BEST3: variants seen among roughly 807,000 people sequenced by gnomAD.
BEST3 encodes bestrophin 3, also known as bestrophin-3.
A neutral mutation model predicts 47.1 loss-of-function variants in BEST3; 50 were observed. That is an observed-to-expected ratio of 1.06 (90% confidence interval 0.85 to 1.34). The LOEUF (loss-of-function observed/expected upper bound fraction) is 1.34, where lower values mean the gene tolerates loss of function less well. BEST3 is among the 40% of genes most tolerant of loss of function. The probability of loss-of-function intolerance (pLI) is 0.00; values close to 1 mark genes in which losing one functional copy is unlikely to be tolerated. For synonymous variants in BEST3, 282 were observed against 298.8 expected (o/e 0.94, Z 0.58); for missense variants, 765 against 817.0 (o/e 0.94, Z 0.78).
chr12:69,656,950 G>A lies in BEST3; in HGVS notation c.1101-1137C>T, dbSNP rs369668350. ...TTAAAAAAAGAGAAATTGGAACCTTGTGGAAAGGATATATTCATCCAGTTA... is the reference window on the plus strand; with the variant it reads ...TTAAAAAAAGAGAAATTGGAACCTTATGGAAAGGATATATTCATCCAGTTA... On this transcript the variant is annotated intron_variant, in intron 9 of 9. Transcript: ENST00000330891. Among the ~76,000 whole-genome samples the A allele has an allele frequency of 3.7e-4, 57 of 152,284 alleles. No individual in the cohort carries two copies. The South Asian group carries it at 0.011, about 29-fold the overall frequency.
At chr12:69,688,310 T>C (rs1885751787) in intron 4 of BEST3, among the ~76,000 whole-genome samples, 2 of 152,196 alleles carry the variant, frequency 1.3e-5, no homozygotes, top group South Asian at 4.1e-4. Context: ...TTGTAGCCAA[T>C]AGGCAAAAGT....
In BEST3 at chr12:69,669,229, G is replaced by A. The variant is rs142647895; in HGVS notation, c.1100+2199C>T. Among the ~76,000 whole-genome samples, 128 of 152,260 alleles carry A rather than the reference G, an allele frequency of 8.4e-4. 1 individual carries two copies. The highest frequency in any genetic ancestry group is 6.8e-3 in the Middle Eastern group (2 of 294). ...TTCTATCAACTCAGGGCTTCTGATC[G>A]CCTATTTTCCTGCAGTAAATTTTCC... On this transcript the variant is annotated intron_variant, in intron 9 of 9. Coordinates refer to ENST00000330891, the MANE Select transcript of BEST3 (RefSeq NM_032735.3).
At chr12:69,656,046 A>G (rs1291217294) in intron 9 of BEST3, among the ~76,000 whole-genome samples, 2 of 152,184 alleles carry the variant, frequency 1.3e-5, no homozygotes, top group East Asian at 3.8e-4. Flanking sequence ...TGTGGGTTAT[A>G]TCTATTACTC....
chr12:69,677,811 T>G lies in BEST3; in HGVS notation c.637-554A>C, dbSNP rs553892719. ...AAAAAAAAAGGACTTCATAGAAATA[T>G]CCCCCCGCCATTCTATTGAACCCAT... On this transcript the variant is annotated intron_variant, in intron 5 of 9. Transcript: ENST00000330891. 2.6e-3 allele frequency among the ~76,000 whole-genome samples: 394 copies of G among 150,730 alleles called. 2 individuals are homozygous for G. Among genetic ancestry groups the G allele is most frequent in the South Asian group, 5.4e-3 (26 of 4,798 alleles).
At chr12:69,651,463 C>T (rs1439587595), downstream of BEST3, among the ~76,000 whole-genome samples, 1 of 152,118 alleles carries the variant, frequency 6.6e-6, no homozygotes, top group African/African-American at 2.4e-5. Flanking sequence ...ACATTAAGAG[C>T]TCAGAAAAAT....
intron 4 of BEST3, among the ~76,000 whole-genome samples, chr12:69,681,086 A>G (rs1443105108): frequency 6.6e-6 from 1 of 152,064 alleles, no homozygotes; most frequent in Non-Finnish European, 1.5e-5. Context: ...CTCTTTAAGT[A>G]GCTTTTAAAT....
At position 69,670,580 on chromosome 12, in the gene BEST3, T is replaced by C. The variant is rs1324264104; in HGVS notation, c.1100+848A>G. 3 of 702,166 alleles carry C rather than the reference T, an allele frequency of 4.3e-6. No homozygotes were observed. In the African/African-American group the frequency reaches 5.3e-5, roughly 12 times the overall value. 43.5% of individuals were successfully genotyped at this position (702,166 alleles called of 1,614,324 possible). ...GGAACAGGGTTGAAGCGAGATCTCC[T>C]GAAAGTAGAAGGAGGAGGGCAGGCC... On this transcript the variant is annotated intron_variant, in intron 9 of 9. Coordinates refer to ENST00000330891, the MANE Select transcript of BEST3 (RefSeq NM_032735.3).
chr12:69,655,784 T>C lies in BEST3; in HGVS notation c.1130A>G (p.Glu377Gly), dbSNP rs531692170. 3.4e-5 allele frequency: 55 copies of C among 1,610,724 alleles called. No homozygotes were observed. The South Asian group carries it at 5.3e-4, about 15-fold the overall frequency. The change falls in exon 10 of 10, where the codon GAG becomes GGG. Residue 377 changes from glutamate (E) to glycine (G), a missense_variant. Transcript: ENST00000330891. Reference protein sequence around the residue: ...GLSGSDFPDEEWLWDYEKHGH... With the variant: ...GLSGSDFPDEGWLWDYEKHGH... ...ATGCTTCTCATAATCCCACAGCCAC[T>C]CCTCGTCAGGAAAGTCGGACCCAGA...
chr12:69,680,239 T>C (rs988826606), intron 4 of BEST3, among the ~76,000 whole-genome samples: 2 of 151,480 alleles, frequency 1.3e-5, no homozygotes, highest in African/African-American at 4.8e-5. Flanking sequence ...TAAACATTTA[T>C]TGAAGGCCTG....
At chr12:69,659,498 C>T (rs1268277231) in intron 9 of BEST3, among the ~76,000 whole-genome samples, 1 of 152,062 alleles carries the variant, frequency 6.6e-6, no homozygotes, top group Non-Finnish European at 1.5e-5. Context: ...GGACCGTGGG[C>T]GTGCACCACC....
chr12:69,677,083 G>C lies in BEST3; in HGVS notation c.715-15C>G. The C allele has an allele frequency of 1.2e-6, 2 of 1,614,168 alleles. No individual in the cohort carries two copies. Among genetic ancestry groups the C allele is most frequent in the Non-Finnish European group, 1.7e-6 (2 of 1,180,016 alleles). On this transcript the variant is annotated splice_polypyrimidine_tract_variant and intron_variant, in intron 6 of 9. Coordinates refer to ENST00000330891, the MANE Select transcript of BEST3 (RefSeq NM_032735.3). ...AGAGTGACAACCTGGAACAGAGAGA[G>C]ACCAGAGTGAGGGGACAGTGCTGGC...
At chr12:69,663,940 T>A (rs1213616434) in intron 9 of BEST3, among the ~76,000 whole-genome samples, 1 of 152,180 alleles carries the variant, frequency 6.6e-6, no homozygotes, top group East Asian at 1.9e-4. Context: ...GGATCCCACA[T>A]GAGATAATGG....
intron 4 of BEST3, among the ~76,000 whole-genome samples, chr12:69,691,584 A>G (rs903899795): frequency 6.6e-6 from 1 of 152,124 alleles, no homozygotes; most frequent in African/African-American, 2.4e-5. Context: ...CACAAGGTCA[A>G]GAGATTGAGA....
intron 4 of BEST3, among the ~76,000 whole-genome samples, chr12:69,692,037 T>A (rs1480994929): frequency 6.6e-6 from 1 of 152,218 alleles, no homozygotes; most frequent in Non-Finnish European, 1.5e-5. Flanking sequence ...TTGGACATAC[T>A]GAATACCATC....
chr12:69,653,260 C>T (rs992925414), downstream of BEST3, among the ~76,000 whole-genome samples: 2 of 152,126 alleles, frequency 1.3e-5, no homozygotes, highest in African/African-American at 2.4e-5. Flanking sequence ...TAGACTTGAG[C>T]GGGGAGGACC....
chr12:69,655,441 T>G lies in BEST3; in HGVS notation c.1473A>C (p.Arg491Ser). The G allele has an allele frequency of 6.2e-7, 1 of 1,614,108 alleles. No individual in the cohort carries two copies. The highest frequency in any genetic ancestry group is 1.7e-5 in the Admixed American group (1 of 60,018). Residue 491 changes from arginine to serine, a missense_variant, in exon 10 of 10, where the codon AGA becomes AGC. Physicochemically the swap from Arg to Ser is moderately radical, Grantham distance 110. Coordinates refer to ENST00000330891, the MANE Select transcript of BEST3 (RefSeq NM_032735.3). ...LQSLTPQSSV[R>S]TSPIKMPLVP... ...CCAGTGGCATTTTGATGGGGGAAGT[T>G]CTCACACTGGACTGTGGGGTCAGGC...
intron 4 of BEST3, among the ~76,000 whole-genome samples, chr12:69,687,618 C>T (rs1242074732): frequency 2.8e-5 from 4 of 144,552 alleles, no homozygotes; most frequent in East Asian, 2.3e-4. Flanking sequence ...AAGCTATGAC[C>T]GTGCTACTGC....
At position 69,670,571 on chromosome 12, in the gene BEST3, G is replaced by A. The variant is rs144636834; in HGVS notation, c.1100+857C>T. ...TCGGCAAAGGGAACAGGGTTGAAGC[G>A]AGATCTCCTGAAAGTAGAAGGAGGA... On this transcript the variant is annotated intron_variant, in intron 9 of 9. Transcript: ENST00000330891. 3.6e-3 allele frequency: 2,541 copies of A among 702,562 alleles called. 78 individuals are homozygous for A. Among genetic ancestry groups the A allele is most frequent in the South Asian group, 0.032 (2,144 of 67,526 alleles). The allele number at this position is 702,562 out of a possible 1,614,324, so 43.5% of individuals were successfully genotyped here.
chr12:69,670,347 T>C (rs553623501), intron 9 of BEST3: 3 of 657,018 alleles, frequency 4.6e-6, no homozygotes, highest in Non-Finnish European at 8.3e-6. Context: ...TAGCCTGGAG[T>C]AGGCAACCTT....
Sources: gnomAD v4.1 joint callset for allele counts (sites outside exome capture counted in the v4.1 genomes callset) on GRCh38, gnomAD v4.1.1 for gene constraint, MANE v1.5 for transcripts, NCBI Gene and HGNC (gene_info 2026-07-23, HGNC 2026-07-21) for gene names.